Variants in SAMD12 observed in about 807,000 individuals in gnomAD.
SAMD12 encodes the protein sterile alpha motif domain containing 12.
SAMD12 carries 9 observed loss-of-function variants against 15.0 expected under a neutral mutation model. That is an observed-to-expected ratio of 0.60 (90% CI 0.36 to 1.05). The LOEUF is 1.05. SAMD12 is among the 50% of genes least tolerant of loss of function. The pLI, the probability that SAMD12 is intolerant of heterozygous loss-of-function variation, is 0.01. For missense variants in SAMD12, 230 were observed against 234.2 expected (o/e 0.98, Z 0.12); for synonymous variants, 86 against 90.1 (o/e 0.96, Z 0.25).
At chr8:118,617,172 A>G (rs1034508441) in intron 1 of SAMD12, among the ~76,000 whole-genome samples, 1 of 152,244 alleles carries the variant, frequency 6.6e-6, no homozygotes, top group African/African-American at 2.4e-5. Context: ...TGATGTTTTT[A>G]TCTCCCATGT....
chr8:118,144,248 G>A, the SAMD12 span, among the ~76,000 whole-genome samples: 1 of 152,158 alleles, frequency 6.6e-6, no homozygotes, highest in African/African-American at 2.4e-5. Flanking sequence ...CATCTTCGAA[G>A]ACTTTTCCCA....
chr8:118,544,640 A>G (rs527634410), intron 2 of SAMD12, among the ~76,000 whole-genome samples: 1 of 152,288 alleles, frequency 6.6e-6, no homozygotes, highest in African/African-American at 2.4e-5. Flanking sequence ...CCAAGGGAAA[A>G]ACCGCCAAGA....
chr8:118,538,846 C>T (rs62531915), intron 2 of SAMD12, among the ~76,000 whole-genome samples: 6,424 of 152,216 alleles, frequency 0.042, 179 homozygotes, highest in Middle Eastern at 0.11. Flanking sequence ...GCTCTGCCTC[C>T]CCTGGAATTT....
the SAMD12 span, among the ~76,000 whole-genome samples, chr8:118,163,718 T>A: frequency 2.0e-4 from 31 of 151,816 alleles, no homozygotes; most frequent in East Asian, 3.5e-3. Flanking sequence ...TACTAAAAAT[T>A]CAAAAAATTA....
intron 3 of SAMD12, among the ~76,000 whole-genome samples, chr8:118,399,428 G>T (rs1472889926): frequency 6.6e-6 from 1 of 152,058 alleles, no homozygotes; most frequent in Non-Finnish European, 1.5e-5. Flanking sequence ...GTCCTTCTGG[G>T]AATTTCCTGG....
intron 2 of SAMD12, among the ~76,000 whole-genome samples, chr8:118,540,798 GATCA>G (rs1825966374): frequency 6.6e-6 from 1 of 152,084 alleles, no homozygotes; most frequent in South Asian, 2.1e-4. Flanking sequence ...CAAATGATAA[GATCA>G]AACAAAGGTA....
rs1005177229 is a variant in SAMD12, at chr8:118,311,228, A to C, written c.433+68332T>G. On this transcript the variant is annotated intron_variant, in intron 4 of 4. Coordinates refer to the SAMD12 transcript ENST00000409003. ...TATTGCAGTATTGCTTCCTTATATG[A>C]TAAAAGGATTTCTGAAGAAAAAAAA... Among the ~76,000 whole-genome samples, 4 of 152,340 alleles carry C rather than the reference A, an allele frequency of 2.6e-5. No homozygotes were observed. In the East Asian group the frequency reaches 7.7e-4, roughly 29 times the overall value.
chr8:118,492,295 C>A (rs921783210), intron 2 of SAMD12, among the ~76,000 whole-genome samples: 1 of 151,316 alleles, frequency 6.6e-6, no homozygotes, highest in African/African-American at 2.4e-5. Flanking sequence ...CTTTGCCAAT[C>A]AAAAAAAATT....
At chr8:118,194,395 T>C (rs1323157032) in exon 5 of SAMD12, 2 of 152,084 alleles carry the variant, frequency 1.3e-5, no homozygotes, top group African/African-American at 2.4e-5. Context: ...GGATCTCTCT[T>C]CCCCTAGGTA....
intron 2 of SAMD12, among the ~76,000 whole-genome samples, chr8:118,555,473 G>A (rs747104590): frequency 6.6e-6 from 1 of 152,120 alleles, no homozygotes; most frequent in African/African-American, 2.4e-5. Flanking sequence ...ATTTCTCCTA[G>A]TGCATCACTT....
intron 4 of SAMD12, among the ~76,000 whole-genome samples, chr8:118,354,424 C>G (rs1818122073): frequency 6.6e-6 from 1 of 152,160 alleles, no homozygotes; most frequent in Non-Finnish European, 1.5e-5. Context: ...TTCCTCCCAG[C>G]CTTTGCTCAT....
chr8:118,569,469 G>A (rs775216233), intron 2 of SAMD12, among the ~76,000 whole-genome samples: 2 of 152,134 alleles, frequency 1.3e-5, no homozygotes, highest in Non-Finnish European at 2.9e-5. Flanking sequence ...AGGCATTTCG[G>A]ATACAGGATA....
intron 4 of SAMD12, among the ~76,000 whole-genome samples, chr8:118,296,293 AT>A (rs1814710975): frequency 6.6e-6 from 1 of 152,094 alleles, no homozygotes; most frequent in Non-Finnish European, 1.5e-5. Context: ...TTTGTTCTTG[AT>A]TTCTTCAATG....
chr8:118,528,431 C>A (rs1825591464), intron 2 of SAMD12, among the ~76,000 whole-genome samples: 1 of 152,180 alleles, frequency 6.6e-6, no homozygotes, highest in Non-Finnish European at 1.5e-5. Flanking sequence ...GATATGTAGA[C>A]AACTTATTGT....
At chr8:118,547,753 T>C (rs1391552495) in intron 2 of SAMD12, among the ~76,000 whole-genome samples, 1 of 152,218 alleles carries the variant, frequency 6.6e-6, no homozygotes, top group Non-Finnish European at 1.5e-5. Context: ...AAATATGTAT[T>C]TTTCTAGTAT....
chr8:118,486,297 T>G (rs1045982210), intron 2 of SAMD12, among the ~76,000 whole-genome samples: 2 of 151,742 alleles, frequency 1.3e-5, no homozygotes, highest in Non-Finnish European at 2.9e-5. Flanking sequence ...GCGCCTGTAG[T>G]CCCAGCTACT....
chr8:118,564,050 C>T (rs1329667430), intron 2 of SAMD12, among the ~76,000 whole-genome samples: 3 of 152,166 alleles, frequency 2.0e-5, no homozygotes, highest in Non-Finnish European at 4.4e-5. Context: ...GAGAAGGGGT[C>T]ATTCAAGGAG....
chr8:118,344,415 A>G (rs1817527121), intron 4 of SAMD12, among the ~76,000 whole-genome samples: 1 of 152,264 alleles, frequency 6.6e-6, no homozygotes. Flanking sequence ...AGCACTTTAT[A>G]AACTTTATCA....
chr8:118,599,152 C>G lies in SAMD12; in HGVS notation c.14-18259G>C, dbSNP rs576304104. On this transcript the variant is annotated intron_variant, in intron 1 of 3. Transcript: ENST00000314727. ...CAACCACCTGGCCAACAGAAGCACC[C>G]ACCTAATTCTATTTTGAACTCAAAA... Among the ~76,000 whole-genome samples, 4 of 152,328 alleles carry G rather than the reference C, an allele frequency of 2.6e-5. No homozygotes were observed. The East Asian group carries it at 7.7e-4, about 29-fold the overall frequency.
Sources: gnomAD v4.1 joint callset for allele counts (sites outside exome capture counted in the v4.1 genomes callset) on GRCh38, gnomAD v4.1.1 for gene constraint, MANE v1.5 for transcripts, NCBI Gene and HGNC (gene_info 2026-07-23, HGNC 2026-07-21) for gene names.